CCDC102B: variants seen among roughly 807,000 people sequenced by gnomAD.
CCDC102B encodes coiled-coil domain containing 102B, also known as coiled-coil domain-containing protein 102B.
Under a neutral mutation model 57.4 loss-of-function variants are expected in CCDC102B, and 75 were observed. That is an observed-to-expected ratio of 1.31 (90% CI 1.08 to 1.58). CCDC102B has a LOEUF of 1.58. Among genes scored for constraint, CCDC102B ranks in the 40% most tolerant of loss-of-function variants. The probability of loss-of-function intolerance (pLI) is 0.00; values close to 1 mark genes in which losing one functional copy is unlikely to be tolerated. For missense variants in CCDC102B, 636 were observed against 582.6 expected (o/e 1.09, Z -0.94); for synonymous variants, 206 against 201.9 (o/e 1.02, Z -0.17).
chr18:69,002,200 AG>A (rs1327732485), intron 6 of CCDC102B, among the ~76,000 whole-genome samples: 1 of 152,210 alleles, frequency 6.6e-6, no homozygotes, highest in Non-Finnish European at 1.5e-5. Context: ...CTTGAAAATC[AG>A]GATGGCTTCA....
chr18:68,995,480 C>T (rs1451030967), intron 6 of CCDC102B, among the ~76,000 whole-genome samples: 2 of 152,030 alleles, frequency 1.3e-5, no homozygotes, highest in East Asian at 3.9e-4. Flanking sequence ...GACTTGGTGC[C>T]CAGCATCCCA....
At chr18:68,848,601 C>T (rs1257662700) in intron 4 of CCDC102B, among the ~76,000 whole-genome samples, 1 of 151,944 alleles carries the variant, frequency 6.6e-6, no homozygotes, top group Admixed American at 6.6e-5. Flanking sequence ...AAAATACAAC[C>T]AAGACAATGC....
intron 5 of CCDC102B, among the ~76,000 whole-genome samples, chr18:68,880,077 C>T (rs1022582815): frequency 3.3e-5 from 5 of 152,076 alleles, no homozygotes; most frequent in South Asian, 2.1e-4. Flanking sequence ...TTGGGCCCCA[C>T]GGGAGCCCAT....
intron 2 of CCDC102B, among the ~76,000 whole-genome samples, chr18:68,775,330 T>G (rs2034774710): frequency 6.6e-6 from 1 of 152,156 alleles, no homozygotes; most frequent in Admixed American, 6.5e-5. Context: ...TGCTAGATAG[T>G]GAGAAATTCC....
At chr18:68,742,865 A>C (rs927689899) in intron 2 of CCDC102B, among the ~76,000 whole-genome samples, 1 of 152,166 alleles carries the variant, frequency 6.6e-6, no homozygotes. Flanking sequence ...CACTGTAATT[A>C]AGGTAATTTA....
intron 2 of CCDC102B, among the ~76,000 whole-genome samples, chr18:68,758,577 A>G (rs1389848876): frequency 6.6e-6 from 1 of 152,000 alleles, no homozygotes; most frequent in East Asian, 1.9e-4. Flanking sequence ...ATCACTGTAA[A>G]TTGGTGGTTA....
At chr18:68,978,202 C>A (rs1309107169) in intron 6 of CCDC102B, among the ~76,000 whole-genome samples, 2 of 152,012 alleles carry the variant, frequency 1.3e-5, no homozygotes, top group African/African-American at 2.4e-5. Flanking sequence ...AGATGATAAC[C>A]TTACTGGTGG....
At chr18:68,898,941 C>A (rs1477692657) in intron 6 of CCDC102B, among the ~76,000 whole-genome samples, 1 of 151,962 alleles carries the variant, frequency 6.6e-6, no homozygotes, top group East Asian at 1.9e-4. Flanking sequence ...ATTGGCGTAA[C>A]CTGTCATCAG....
intron 2 of CCDC102B, among the ~76,000 whole-genome samples, chr18:68,758,419 C>G (rs536024755): frequency 6.6e-6 from 1 of 152,012 alleles, no homozygotes; most frequent in African/African-American, 2.4e-5. Context: ...TAAGATATTT[C>G]TTTGAGAGTA....
At chr18:69,005,495 A>G (rs75453177) in intron 6 of CCDC102B, among the ~76,000 whole-genome samples, 3,917 of 152,184 alleles carry the variant, frequency 0.026, 114 homozygotes, top group East Asian at 0.13. Flanking sequence ...AATTTCCTGT[A>G]TGATGCTTCG....
chr18:69,051,883 C>T (rs1358776981), intron 7 of CCDC102B, among the ~76,000 whole-genome samples: 4 of 151,500 alleles, frequency 2.6e-5, no homozygotes, highest in Admixed American at 6.6e-5. Flanking sequence ...AAAATTAACT[C>T]CTGCTTGATC....
intron 3 of CCDC102B, among the ~76,000 whole-genome samples, chr18:68,842,058 A>G (rs1191766010): frequency 2.0e-5 from 3 of 151,894 alleles, no homozygotes; most frequent in Admixed American, 2.0e-4. Context: ...TTCTTAATTT[A>G]TTTTCTATGT....
intron 6 of CCDC102B, among the ~76,000 whole-genome samples, chr18:69,005,966 C>A (rs977123050): frequency 6.6e-6 from 1 of 151,848 alleles, no homozygotes; most frequent in Non-Finnish European, 1.5e-5. Flanking sequence ...ATCTTTAGTA[C>A]CATATATTTT....
At chr18:68,793,374 T>A (rs949652052), upstream of CCDC102B, among the ~76,000 whole-genome samples, 2 of 152,164 alleles carry the variant, frequency 1.3e-5, no homozygotes, top group African/African-American at 4.8e-5. Flanking sequence ...TTCTATTTTT[T>A]AAAAAAGTTT....
At chr18:68,907,310 A>G (rs1028965417) in intron 6 of CCDC102B, among the ~76,000 whole-genome samples, 1 of 151,936 alleles carries the variant, frequency 6.6e-6, no homozygotes, top group African/African-American at 2.4e-5. Flanking sequence ...TATGAATTTG[A>G]GAATCAGCTT....
intron 4 of CCDC102B, among the ~76,000 whole-genome samples, chr18:68,873,541 A>G (rs1301682740): frequency 6.6e-6 from 1 of 152,126 alleles, no homozygotes; most frequent in East Asian, 1.9e-4. Context: ...GAATTTAGAA[A>G]AGTTACTTAA....
chr18:68,826,681 A>G (rs2036915971), intron 1 of CCDC102B, among the ~76,000 whole-genome samples: 2 of 152,150 alleles, frequency 1.3e-5, no homozygotes. Flanking sequence ...CACTGGGAAA[A>G]TCAATTTGAA....
At chr18:69,053,067 T>C (rs1418197343) in intron 7 of CCDC102B, among the ~76,000 whole-genome samples, 2 of 151,764 alleles carry the variant, frequency 1.3e-5, no homozygotes, top group Non-Finnish European at 2.9e-5. Flanking sequence ...GGACCCAGTA[T>C]ATATGAATGT....
At chr18:68,728,869 G>A (rs184127360) in intron 2 of CCDC102B, among the ~76,000 whole-genome samples, 44 of 152,144 alleles carry the variant, frequency 2.9e-4, no homozygotes, top group African/African-American at 9.6e-4. Context: ...AAAAGAGAAA[G>A]GGGTAGTGTA....
Sources: allele counts gnomAD v4.1 joint callset (sites outside exome capture counted in the v4.1 genomes callset), GRCh38; gene constraint gnomAD v4.1.1; transcripts MANE v1.5; gene names NCBI Gene and HGNC (gene_info 2026-07-23, HGNC 2026-07-21).